The following CDH11 variants were observed in gnomAD, a reference collection of about 807,000 sequenced individuals.
CDH11 encodes cadherin 11.
In CDH11, 11 loss-of-function variants were observed where a neutral mutation model predicts 67.8. The ratio of observed to expected loss-of-function variants is 0.16; its 90% CI spans 0.10 to 0.27. The LOEUF (loss-of-function observed/expected upper bound fraction) is 0.27. Ranked by LOEUF, CDH11 falls within the 10% of genes least tolerant of loss-of-function variation. The pLI, the probability that CDH11 is intolerant of heterozygous loss-of-function variation, is 1.00. For synonymous variants in CDH11, 419 were observed against 400.0 expected, an observed-to-expected ratio of 1.05 and a Z score of -0.57; for missense variants, 847 against 1,031.2, an observed-to-expected ratio of 0.82 and a Z score of 2.45.
intron 2 of CDH11, among the ~76,000 whole-genome samples, chr16:65,045,037 C>T (rs552938505): frequency 6.6e-6 from 1 of 151,762 alleles, no homozygotes; most frequent in Non-Finnish European, 1.5e-5. Context: ...ACGGCAGGGA[C>T]GTGTGCTCCG....
At chr16:64,966,012 AAAG>A (rs2071816128) in intron 11 of CDH11, among the ~76,000 whole-genome samples, 1 of 152,312 alleles carries the variant, frequency 6.6e-6, no homozygotes, top group East Asian at 1.9e-4. Context: ...AAAGAAAAAA[AAAG>A]AAGTACAGTG....
At chr16:65,103,806 A>G (rs1433268444) in intron 1 of CDH11, among the ~76,000 whole-genome samples, 3 of 152,194 alleles carry the variant, frequency 2.0e-5, no homozygotes, top group Non-Finnish European at 4.4e-5. Flanking sequence ...TATAAAAAAG[A>G]TATGAAATGT....
In CDH11 at chr16:65,121,966, C is replaced by G. The variant is rs987451534; in HGVS notation, c.-384G>C. ...TGCGGTGTCAGTCCCGGCCCCAGTC[C>G]CGGTCCCATTCACAAGTCAGCGGCG... On this transcript the variant is annotated 5_prime_UTR_variant, in exon 1 of 13. Transcript: ENST00000268603. The surrounding 1 kb of genome is among the most constrained non-coding windows in gnomAD (Gnocchi z 4.1). 1 of 701,612 alleles carries G rather than the reference C, an allele frequency of 1.4e-6. No individual in the cohort carries two copies. Among genetic ancestry groups the G allele is most frequent in the African/African-American group, 1.7e-5 (1 of 57,196 alleles). 43.5% of individuals were successfully genotyped at this position (701,612 alleles called of 1,614,324 possible). A position where few individuals can be genotyped will look rare whatever the true frequency, so the allele number is the denominator to read the frequency against.
At chr16:65,084,489 C>T (rs1324776164) in intron 1 of CDH11, among the ~76,000 whole-genome samples, 2 of 143,060 alleles carry the variant, frequency 1.4e-5, no homozygotes, top group East Asian at 4.1e-4. Context: ...AGAAGCCTAT[C>T]TAAAGATTAA....
intron 11 of CDH11, among the ~76,000 whole-genome samples, chr16:64,967,163 A>G (rs1024449086): frequency 1.3e-5 from 2 of 152,138 alleles, no homozygotes; most frequent in Non-Finnish European, 2.9e-5. Flanking sequence ...ATTTCTGATG[A>G]TCAGTTTATT....
intron 2 of CDH11, 46 bp from the exon 3 acceptor site, chr16:65,005,087 T>G: frequency 7.5e-7 from 1 of 1,334,578 alleles, no homozygotes; most frequent in Non-Finnish European, 9.6e-7. Flanking sequence ...AAATCCCCAC[T>G]TCATTTCCAT....
At chr16:65,044,998 G>T (rs2073929965) in intron 2 of CDH11, among the ~76,000 whole-genome samples, 1 of 151,964 alleles carries the variant, frequency 6.6e-6, no homozygotes, top group South Asian at 2.1e-4. Context: ...GTGGGCACCG[G>T]TTCCATCCCA....
In CDH11 at chr16:64,970,669, C is replaced by T. The variant is rs184497973; in HGVS notation, c.1642+910G>A. ...TACTTACTAGAAAGTTTAAGATCCT[C>T]TAAGCCTGTTCTCAGTCGCAGGGAA... On this transcript the variant is annotated intron_variant, in intron 11 of 12. Coordinates refer to ENST00000268603, the MANE Select transcript of CDH11 (RefSeq NM_001797.4). 7.0e-4 allele frequency among the ~76,000 whole-genome samples: 107 copies of T among 152,310 alleles called. 1 individual carries two copies. The highest frequency in any genetic ancestry group is 5.2e-3 in the East Asian group (27 of 5,180).
At chr16:65,060,354 T>TATATATAG (rs367727382) in intron 1 of CDH11, among the ~76,000 whole-genome samples, 10 of 144,952 alleles carry the variant, frequency 6.9e-5, no homozygotes, top group African/African-American at 2.6e-4. Flanking sequence ...TATATATATA[T>TATATATAG]AGAGAGAGAG....
At position 65,121,757 on chromosome 16, in the gene CDH11, T is replaced by C. The variant is rs1311942819; in HGVS notation, c.-298+123A>G. The C allele has an allele frequency of 1.7e-5, 12 of 693,616 alleles. No homozygotes were observed. The highest frequency in any genetic ancestry group is 2.9e-5 in the Non-Finnish European group (11 of 381,916). The allele number at this position is 693,616 out of a possible 1,614,324, so 43.0% of individuals were successfully genotyped here. On this transcript the variant is annotated intron_variant, in intron 1 of 12. Transcript: ENST00000268603. The surrounding 1 kb of genome is among the most constrained non-coding windows in gnomAD (Gnocchi z 4.1). Reference sequence around the variant, plus strand: ...TTTGCGTTAGTGAAGCCTTCTCGACTCAGATACCACCGTCCCCCTCACCAC... The same window carrying C: ...TTTGCGTTAGTGAAGCCTTCTCGACCCAGATACCACCGTCCCCCTCACCAC...
chr16:65,056,851 T>C (rs1339570437), intron 1 of CDH11, among the ~76,000 whole-genome samples: 1 of 152,210 alleles, frequency 6.6e-6, no homozygotes, highest in Non-Finnish European at 1.5e-5. Context: ...TTGTCTTGCA[T>C]TCTTTACCTC....
chr16:65,022,653 G>A (rs2073450842), intron 2 of CDH11, among the ~76,000 whole-genome samples: 1 of 152,194 alleles, frequency 6.6e-6, no homozygotes, highest in Non-Finnish European at 1.5e-5. Context: ...GAAAAGGTAA[G>A]GCCAAGTTTC....
At chr16:65,027,197 C>T (rs980653622) in intron 2 of CDH11, among the ~76,000 whole-genome samples, 1 of 152,176 alleles carries the variant, frequency 6.6e-6, no homozygotes, top group Non-Finnish European at 1.5e-5. Context: ...CAATTCTGTT[C>T]TGGACAGCAA....
At chr16:65,037,527 G>T (rs2073776416) in intron 2 of CDH11, among the ~76,000 whole-genome samples, 1 of 152,166 alleles carries the variant, frequency 6.6e-6, no homozygotes. Flanking sequence ...AAGTGCATTA[G>T]AATTAAAACA....
At chr16:65,043,211 G>A (rs968513660) in intron 2 of CDH11, among the ~76,000 whole-genome samples, 2 of 152,176 alleles carry the variant, frequency 1.3e-5, no homozygotes, top group African/African-American at 4.8e-5. Context: ...AGCATTCAGT[G>A]AAAACAATGG....
chr16:64,958,580 A>T (rs1377317640), intron 11 of CDH11, among the ~76,000 whole-genome samples: 2 of 152,162 alleles, frequency 1.3e-5, no homozygotes, highest in East Asian at 3.8e-4. Context: ...ACTAAGAGGG[A>T]AGCAATTTCT....
chr16:65,069,149 CG>C (rs2074371758), intron 1 of CDH11, among the ~76,000 whole-genome samples: 1 of 152,146 alleles, frequency 6.6e-6, no homozygotes, highest in Non-Finnish European at 1.5e-5. Flanking sequence ...AATAGGAGAA[CG>C]TTTAAGTAAA....
chr16:65,066,914 T>C (rs1395254372), intron 1 of CDH11, among the ~76,000 whole-genome samples: 1 of 152,140 alleles, frequency 6.6e-6, no homozygotes, highest in Non-Finnish European at 1.5e-5. Context: ...ACATCACAAA[T>C]CACAGGATGT....
At chr16:65,098,017 A>G (rs2074928995) in intron 1 of CDH11, among the ~76,000 whole-genome samples, 1 of 152,196 alleles carries the variant, frequency 6.6e-6, no homozygotes, top group Non-Finnish European at 1.5e-5. Flanking sequence ...TAACACAAGG[A>G]TGGCAACCCT....
Sources: gnomAD v4.1 joint callset for allele counts (sites outside exome capture counted in the v4.1 genomes callset) on GRCh38, gnomAD v4.1.1 for gene constraint, Gnocchi (gnomAD v3.1) non-coding constraint, MANE v1.5 for transcripts, NCBI Gene and HGNC (gene_info 2026-07-23, HGNC 2026-07-21) for gene names.